TBC1D10A: variants seen among roughly 807,000 people sequenced by gnomAD.
TBC1D10A encodes the protein EBP50-PDX interactor of 64 kDa.
A neutral mutation model predicts 52.9 loss-of-function variants in TBC1D10A; 24 were observed. The observed-to-expected ratio is 0.45, with a 90% CI of 0.33 to 0.64. The LOEUF is 0.64. Among genes scored for constraint, TBC1D10A ranks in the 30% least tolerant of loss-of-function variants. TBC1D10A has a pLI of 0.02. For missense variants in TBC1D10A, 602 were observed against 687.9 expected (o/e 0.88, Z 1.40); for synonymous variants, 278 against 282.9 (o/e 0.98, Z 0.17).
chr22:30,300,321 C>T (rs56147342), intron 2 of TBC1D10A: 9,766 of 151,954 alleles, frequency 0.064, 418 homozygotes, highest in Non-Finnish European at 0.092. Flanking sequence ...TGGTGGTGGG[C>T]GCCTGTAATC....
chr22:30,321,574 G>A (rs1168177612), intron 1 of TBC1D10A, among the ~76,000 whole-genome samples: 2 of 152,320 alleles, frequency 1.3e-5, no homozygotes, highest in East Asian at 3.9e-4. Context: ...AGGCAATACT[G>A]CTATTCCAGA....
In TBC1D10A at chr22:30,294,106, G is replaced by A. The variant is rs2145761565; in HGVS notation, c.710C>T (p.Ala237Val). Residue 237 changes from alanine (A) to valine (V), a missense_variant, in exon 7 of 9, where the codon GCG becomes GTG. Ala to Val is a moderately conservative substitution (Grantham distance 64). Coordinates refer to ENST00000215790, the MANE Select transcript of TBC1D10A (RefSeq NM_031937.3). ...AAGGATCTCCCCGTCCAGCTGGATC[G>A]CCTCCTAGGGAGACATCGAGGCCAC... is the stretch of plus-strand genomic sequence containing the variant. Reference protein sequence around the residue: ...LPGYYSEKLEAIQLDGEILFS... With the variant: ...LPGYYSEKLEVIQLDGEILFS... The A allele has an allele frequency of 2.5e-6, 4 of 1,613,240 alleles. No individual in the cohort carries two copies. The highest frequency in any genetic ancestry group is 2.2e-5 in the South Asian group (2 of 91,080).
rs550221150 is a variant in TBC1D10A at position 30,309,514 on chromosome 22, G to A, written c.210-4884C>T. On this transcript the variant is annotated intron_variant, in intron 1 of 8. Coordinates refer to ENST00000215790, the MANE Select transcript of TBC1D10A (RefSeq NM_031937.3). ...GCTGGGATGACAGGCATGAGCCACCGCACCCGGCCAGGGCAATCTGCCATT... is the reference window on the plus strand; with the variant it reads ...GCTGGGATGACAGGCATGAGCCACCACACCCGGCCAGGGCAATCTGCCATT... 3.5e-4 allele frequency among the ~76,000 whole-genome samples: 54 copies of A among 152,250 alleles called. No individual in the cohort carries two copies. The Middle Eastern group carries it at 0.014, about 38-fold the overall frequency.
intron 6 of TBC1D10A, 81 bp from the exon 7 acceptor site, chr22:30,294,191 C>T (rs1930023448): frequency 3.3e-6 from 5 of 1,498,898 alleles, no homozygotes; most frequent in South Asian, 2.4e-5. Flanking sequence ...CACCCAGCAC[C>T]CAGCACCCAG....
rs1930015234 is a variant in TBC1D10A at position 30,293,991 on chromosome 22, G to A, written c.825C>T (p.Phe275=). 3 of 1,614,072 alleles carry A rather than the reference G, an allele frequency of 1.9e-6. No individual in the cohort carries two copies. The highest frequency in any genetic ancestry group is 2.5e-6 in the Non-Finnish European group (3 of 1,180,010). ...GCAAGGTTCGGGAGAAGGCGCACAT[G>A]AACCATTCTGTCATATAGAGGAGCG... ...IDPLLYMTEW[F]MCAFSRTLPW... is the part of the protein sequence containing the mutation. The change falls in exon 7 of 9, where the codon TTC becomes TTT. Residue 275 remains phenylalanine (F), a synonymous_variant. Transcript: ENST00000215790.
intron 3 of TBC1D10A, chr22:30,298,896 GC>G: frequency 6.5e-6 from 1 of 152,752 alleles, no homozygotes; most frequent in South Asian, 2.0e-4. Context: ...GTTCCCTTCA[GC>G]CCCCTTGGGT....
At chr22:30,317,605 CTTCT>C (rs1273734100) in intron 1 of TBC1D10A, among the ~76,000 whole-genome samples, 6 of 152,104 alleles carry the variant, frequency 3.9e-5, no homozygotes, top group Non-Finnish European at 5.9e-5. Flanking sequence ...CACCTGGTAA[CTTCT>C]TTCTCTTTTT....
At position 30,292,522 on chromosome 22, in the gene TBC1D10A, T is replaced by G. The variant is rs1216811066; in HGVS notation, c.1380A>C (p.Ala460=). The G allele has an allele frequency of 6.2e-7, 1 of 1,612,332 alleles. No homozygotes were observed. Among genetic ancestry groups the G allele is most frequent in the South Asian group, 1.1e-5 (1 of 90,832 alleles). Residue 460 remains alanine, a synonymous_variant, in exon 9 of 9, where the codon GCA becomes GCC. Transcript: ENST00000215790. ...APNQAMVVAA[A]GDACPPQHVP... is the part of the protein sequence containing the mutation. Reference sequence around the variant, plus strand: ...CATGCTGTGGGGGACATGCATCTCCTGCAGCGGCCACCACCATGGCTTGAT... The same window carrying G: ...CATGCTGTGGGGGACATGCATCTCCGGCAGCGGCCACCACCATGGCTTGAT...
At chr22:30,310,898 C>T (rs979604242) in intron 1 of TBC1D10A, among the ~76,000 whole-genome samples, 1 of 152,028 alleles carries the variant, frequency 6.6e-6, no homozygotes, top group Non-Finnish European at 1.5e-5. Flanking sequence ...CCCTCTGTGC[C>T]GAGAAAGGCA....
At chr22:30,305,081 A>C (rs1182070681) in intron 1 of TBC1D10A, among the ~76,000 whole-genome samples, 4 of 152,224 alleles carry the variant, frequency 2.6e-5, no homozygotes, top group Admixed American at 2.0e-4. Context: ...CAAACTCATT[A>C]CTCAGAGTTT....
chr22:30,304,479 T>A, intron 2 of TBC1D10A, 52 bp downstream of exon 2: 1 of 1,611,836 alleles, frequency 6.2e-7, no homozygotes, highest in Non-Finnish European at 8.5e-7. Flanking sequence ...CTCTTCCTCC[T>A]CCTCCCCAAG....
At chr22:30,323,890 GA>G (rs1930710840) in intron 1 of TBC1D10A, among the ~76,000 whole-genome samples, 1 of 152,148 alleles carries the variant, frequency 6.6e-6, no homozygotes. Context: ...AGAATCACTT[GA>G]ACCCGGGAGG....
intron 8 of TBC1D10A, chr22:30,293,377 A>T: frequency 1.4e-6 from 1 of 691,718 alleles, no homozygotes; most frequent in Non-Finnish European, 2.7e-6. Flanking sequence ...AAGGCTGCGA[A>T]TGGGGTACCA....
At chr22:30,311,845 T>C (rs1930432530) in intron 1 of TBC1D10A, among the ~76,000 whole-genome samples, 1 of 151,930 alleles carries the variant, frequency 6.6e-6, no homozygotes, top group Non-Finnish European at 1.5e-5. Flanking sequence ...CAAGATGGAG[T>C]GCAGTGGCAT....
In TBC1D10A at chr22:30,294,022, ATCT is replaced by A; in HGVS notation, c.791_793del (p.Lys264del). ...TTCTGTCATATAGAGGAGCGGGTCGATCTTCTGACGGCTGAGGTGCTTGTGGGC... is the reference window on the plus strand; with the variant it reads ...TTCTGTCATATAGAGGAGCGGGTCGATCTGACGGCTGAGGTGCTTGTGGGC... On this transcript the variant is annotated inframe_deletion, in exon 7 of 9. Coordinates refer to ENST00000215790, the MANE Select transcript of TBC1D10A (RefSeq NM_031937.3). 6.2e-7 allele frequency: 1 copy of A among 1,614,152 alleles called. No individual in the cohort carries two copies. The highest frequency in any genetic ancestry group is 1.3e-5 in the African/African-American group (1 of 75,056).
chr22:30,306,216 G>T (rs1453301744), intron 1 of TBC1D10A, among the ~76,000 whole-genome samples: 1 of 152,192 alleles, frequency 6.6e-6, no homozygotes, highest in Non-Finnish European at 1.5e-5. Flanking sequence ...GGCAGTTATG[G>T]ATGTAGATAA....
intron 3 of TBC1D10A, chr22:30,296,652 T>C (rs1930086779): frequency 6.6e-6 from 1 of 152,234 alleles, no homozygotes; most frequent in South Asian, 2.1e-4. Context: ...AACAAAGCCA[T>C]TACAAAAAGG....
rs4823086 is a variant in TBC1D10A at position 30,292,670 on chromosome 22, C to T, written c.1232G>A (p.Arg411His). ...AGGGAGGGGGGCATCTAGGGGCAGG[C>T]GGATGGATGGTGAAGGTTGTAGGGC... Reference protein sequence around the residue: ...RPALQPSPSIRLPLDAPLPGS... With the variant: ...RPALQPSPSIHLPLDAPLPGS... The change falls in exon 9 of 9, where the codon CGC (arginine) becomes CAC (histidine). Residue 411 changes from arginine to histidine, a missense_variant. Physicochemically the swap from Arg to His is conservative, Grantham distance 29. Transcript: ENST00000215790. 177,836 of 1,608,414 alleles carry T rather than the reference C, an allele frequency of 0.11. 11,148 individuals are homozygous for T. Among genetic ancestry groups the T allele is most frequent in the Non-Finnish European group, 0.13 (150,816 of 1,177,230 alleles).
Position 30,304,524 on chromosome 22 carries a change from C to T in TBC1D10A, c.309+7G>A. Reference sequence around the variant, plus strand: ...CCCAGCCCAATACCTGAGGCCAGGCCCCTCACCTTTTTGTGCTTCTTGGCC... The same window carrying T: ...CCCAGCCCAATACCTGAGGCCAGGCTCCTCACCTTTTTGTGCTTCTTGGCC... On this transcript the variant is annotated splice_region_variant and intron_variant, in intron 2 of 8. Coordinates refer to ENST00000215790, the MANE Select transcript of TBC1D10A (RefSeq NM_031937.3). 2 of 1,614,128 alleles carry T rather than the reference C, an allele frequency of 1.2e-6. No homozygotes were observed. The highest frequency in any genetic ancestry group is 1.1e-5 in the South Asian group (1 of 91,076).
Sources: gnomAD v4.1 joint callset for allele counts (sites outside exome capture counted in the v4.1 genomes callset) on GRCh38, gnomAD v4.1.1 for gene constraint, MANE v1.5 for transcripts, NCBI Gene and HGNC (gene_info 2026-07-23, HGNC 2026-07-21) for gene names.